CSMD3: variants seen among roughly 807,000 people sequenced by gnomAD.
The protein encoded by CSMD3 is CUB and Sushi multiple domains 3.
Under a neutral mutation model 435.2 loss-of-function variants are expected in CSMD3, and 177 were observed. That is an observed-to-expected ratio of 0.41 (90% confidence interval 0.36 to 0.46). The LOEUF is 0.46. CSMD3 is among the 20% of genes least tolerant of loss of function. CSMD3 has a pLI of 0.34. For missense variants in CSMD3, 4,265 were observed against 4,504.6 expected (o/e 0.95, Z 1.52); for synonymous variants, 1,656 against 1,520.5 (o/e 1.09, Z -2.07).
At chr8:113,402,781 T>C (rs1040460231) in intron 1 of CSMD3, among the ~76,000 whole-genome samples, 1 of 151,294 alleles carries the variant, frequency 6.6e-6, no homozygotes, top group East Asian at 1.9e-4. Context: ...AGAAGAAAGG[T>C]AAGATATTAG....
At chr8:112,384,733 C>G (rs1341699857) in intron 36 of CSMD3, among the ~76,000 whole-genome samples, 3 of 152,126 alleles carry the variant, frequency 2.0e-5, no homozygotes, top group African/African-American at 7.2e-5. Flanking sequence ...CAATAGATAC[C>G]CTGCCTGTAT....
At chr8:113,325,025 T>C (rs2093974404) in intron 1 of CSMD3, among the ~76,000 whole-genome samples, 1 of 152,220 alleles carries the variant, frequency 6.6e-6, no homozygotes, top group South Asian at 2.1e-4. Context: ...TTGGAACAGC[T>C]GTATTTACCC....
Position 113,098,907 on chromosome 8 carries a change from T to C in CSMD3, c.766A>G (p.Ser256Gly). Reference sequence around the variant, plus strand: ...TTGTTATGGTACTCATTAGGAAAACTAGGGCTGGATATGATGCCACTGGAT... The same window carrying C: ...TTGTTATGGTACTCATTAGGAAAACCAGGGCTGGATATGATGCCACTGGAT... Reference protein sequence around the residue: ...RGSSGIISSPSFPNEYHNNAD... With the variant: ...RGSSGIISSPGFPNEYHNNAD... Residue 256 changes from serine (S) to glycine (G), a missense_variant, in exon 5 of 71, where the codon AGT (serine) becomes GGT (glycine). By Grantham distance (56) the Ser-to-Gly change is moderately conservative. Around this residue, in one of 3 missense-constraint regions of CSMD3, gnomAD observed 731 missense variants for 755.4 expected, o/e 0.97. Coordinates refer to ENST00000297405, the MANE Select transcript of CSMD3 (RefSeq NM_198123.2). 2.5e-6 allele frequency: 4 copies of C among 1,612,792 alleles called. No homozygotes were observed. Among genetic ancestry groups the C allele is most frequent in the Non-Finnish European group, 3.4e-6 (4 of 1,179,026 alleles).
chr8:112,820,703 C>T (rs1221615836), intron 12 of CSMD3, among the ~76,000 whole-genome samples: 3 of 150,358 alleles, frequency 2.0e-5, no homozygotes, highest in South Asian at 2.1e-4. Flanking sequence ...AGGTTTGCTA[C>T]GTAGGTATAC....
intron 10 of CSMD3, among the ~76,000 whole-genome samples, chr8:112,874,892 T>C (rs2081236708): frequency 6.6e-6 from 1 of 152,156 alleles, no homozygotes; most frequent in Non-Finnish European, 1.5e-5. Context: ...CTGTGTCTTT[T>C]AATTGGGGCA....
At chr8:112,652,215 A>G (rs561448195) in intron 18 of CSMD3, among the ~76,000 whole-genome samples, 3 of 152,272 alleles carry the variant, frequency 2.0e-5, no homozygotes, top group Non-Finnish European at 4.4e-5. Context: ...TATCAATCAG[A>G]TAAGTCTCCT....
intron 31 of CSMD3, among the ~76,000 whole-genome samples, chr8:112,487,046 G>A (rs985540136): frequency 2.6e-5 from 4 of 152,040 alleles, no homozygotes; most frequent in Non-Finnish European, 5.9e-5. Flanking sequence ...CCTATTAATT[G>A]GATGCTCACT....
chr8:112,642,360 C>T (rs2074855125), intron 20 of CSMD3, among the ~76,000 whole-genome samples: 1 of 152,132 alleles, frequency 6.6e-6, no homozygotes, highest in Non-Finnish European at 1.5e-5. Flanking sequence ...GAAAATCTCT[C>T]ATGGTGTCCT....
intron 22 of CSMD3, among the ~76,000 whole-genome samples, chr8:112,600,022 T>TAA (rs554464260): frequency 6.6e-6 from 1 of 150,538 alleles, no homozygotes; most frequent in African/African-American, 2.4e-5. Context: ...AGTATATATA[T>TAA]AAAAAAAAGG....
intron 1 of CSMD3, among the ~76,000 whole-genome samples, chr8:113,362,322 G>A (rs2094282760): frequency 6.6e-6 from 1 of 152,134 alleles, no homozygotes; most frequent in South Asian, 2.1e-4. Context: ...TTGGCATTGA[G>A]TTATATATAG....
intron 45 of CSMD3, among the ~76,000 whole-genome samples, chr8:112,324,295 T>C (rs1823286945): frequency 6.6e-6 from 1 of 152,110 alleles, no homozygotes; most frequent in African/African-American, 2.4e-5. Context: ...CATTTAGTGT[T>C]TCATTGTGTT....
intron 6 of CSMD3, among the ~76,000 whole-genome samples, chr8:113,018,123 C>G (rs573929107): frequency 1.3e-5 from 2 of 152,040 alleles, no homozygotes; most frequent in South Asian, 4.1e-4. Flanking sequence ...TGCACTATTA[C>G]GAAAGTCAAA....
At chr8:113,216,365 G>C (rs1157520632) in intron 3 of CSMD3, among the ~76,000 whole-genome samples, 1 of 151,866 alleles carries the variant, frequency 6.6e-6, no homozygotes, top group Non-Finnish European at 1.5e-5. Flanking sequence ...TATGGGCATT[G>C]AGATATAGTA....
At chr8:113,171,190 A>C (rs552609341) in intron 4 of CSMD3, among the ~76,000 whole-genome samples, 19 of 152,218 alleles carry the variant, frequency 1.2e-4, no homozygotes, top group Non-Finnish European at 1.8e-4. Flanking sequence ...TTGGTATGTA[A>C]CTGATGTTTT....
At chr8:112,231,668 C>T (rs750118839) in intron 68 of CSMD3, 36 bp from the exon 69 acceptor site, 8 of 1,131,576 alleles carry the variant, frequency 7.1e-6, no homozygotes, top group South Asian at 6.1e-5. Context: ...TACTTGAATA[C>T]TGGCCATAGC....
At chr8:113,041,074 T>G (rs2087588182) in intron 5 of CSMD3, among the ~76,000 whole-genome samples, 1 of 151,458 alleles carries the variant, frequency 6.6e-6, no homozygotes, top group Non-Finnish European at 1.5e-5. Flanking sequence ...CACGTGGTGG[T>G]GTGCACCTGT....
Position 112,461,837 on chromosome 8 carries a change from T to C in CSMD3, c.5395+10754A>G, listed in dbSNP as rs76457658. On this transcript the variant is annotated intron_variant, in intron 32 of 70. Coordinates refer to ENST00000297405, the MANE Select transcript of CSMD3 (RefSeq NM_198123.2). ...AGAATTTAGGTTAAATTTATAGTTA[T>C]CTTTGGAATTTAATGAAATTATATG... Among the ~76,000 whole-genome samples, 181 of 152,328 alleles carry C rather than the reference T, an allele frequency of 1.2e-3. 1 individual carries two copies. The East Asian group carries it at 0.023, about 19-fold the overall frequency.
intron 2 of CSMD3, chr8:113,310,498 T>C (rs912059624): frequency 6.6e-6 from 1 of 151,886 alleles, no homozygotes; most frequent in African/African-American, 2.4e-5. Flanking sequence ...AAATGAATTA[T>C]GTAAATCATC....
chr8:112,645,538 A>G (rs1260304516), intron 19 of CSMD3, among the ~76,000 whole-genome samples: 1 of 148,040 alleles, frequency 6.8e-6, no homozygotes, highest in Non-Finnish European at 1.5e-5. Flanking sequence ...ATTGTTTAAC[A>G]GTTGCTCTTA....
Sources: gnomAD v4.1 joint callset for allele counts (sites outside exome capture counted in the v4.1 genomes callset) on GRCh38, gnomAD v4.1.1 for gene constraint, gnomAD v4.1.1 regional missense constraint, MANE v1.5 for transcripts, NCBI Gene and HGNC (gene_info 2026-07-23, HGNC 2026-07-21) for gene names.